WASF2: variants seen among roughly 807,000 people sequenced by gnomAD.
WASF2 encodes WASP family member 2.
WASF2 carries 14 observed loss-of-function variants against 45.0 expected under a neutral mutation model. The ratio of observed to expected loss-of-function variants is 0.31; its 90% CI spans 0.21 to 0.49. WASF2 has a LOEUF of 0.49. Ranked by LOEUF, WASF2 falls within the 20% of genes least tolerant of loss-of-function variation. The pLI, the probability that WASF2 is intolerant of heterozygous loss-of-function variation, is 0.99. For synonymous variants in WASF2, 200 were observed against 236.3 expected, an observed-to-expected ratio of 0.85 and a Z score of 1.41; for missense variants, 439 against 636.1, an observed-to-expected ratio of 0.69 and a Z score of 3.33.
intron 8 of WASF2, among the ~76,000 whole-genome samples, chr1:27,408,845 G>T (rs1225094974): frequency 6.6e-6 from 1 of 151,930 alleles, no homozygotes; most frequent in East Asian, 1.9e-4. Context: ...GGGGAGGGAA[G>T]AGGAGAAAAG....
intron 1 of WASF2, among the ~76,000 whole-genome samples, chr1:27,441,651 G>A (rs2017231333): frequency 6.6e-6 from 1 of 151,870 alleles, no homozygotes; most frequent in Non-Finnish European, 1.5e-5. Context: ...CTACTCCGGA[G>A]GCTGAGGCAG....
chr1:27,441,912 G>A (rs1389603432), intron 1 of WASF2, among the ~76,000 whole-genome samples: 1 of 142,726 alleles, frequency 7.0e-6, no homozygotes, highest in Admixed American at 7.1e-5. Flanking sequence ...GCGACACAAC[G>A]AGACTCCATC....
chr1:27,428,818 G>A lies in WASF2; in HGVS notation c.73C>T (p.Leu25=). ...RQTLPSVRSE[L]ECVTNITLAN... Reference sequence around the variant, plus strand: ...AGGGTGATGTTGGTCACGCATTCCAGCTCGCTTCTAACGCTAGGCAACGTC... The same window carrying A: ...AGGGTGATGTTGGTCACGCATTCCAACTCGCTTCTAACGCTAGGCAACGTC... Residue 25 remains leucine, a synonymous_variant, in exon 2 of 9, where the codon CTG becomes TTG. Coordinates refer to ENST00000618852, the MANE Select transcript of WASF2 (RefSeq NM_006990.5). The A allele has an allele frequency of 6.2e-7, 1 of 1,614,164 alleles. No homozygotes were observed. The highest frequency in any genetic ancestry group is 8.5e-7 in the Non-Finnish European group (1 of 1,180,028).
chr1:27,426,172 T>A (rs1227029245), intron 2 of WASF2, among the ~76,000 whole-genome samples: 1 of 152,232 alleles, frequency 6.6e-6, no homozygotes, highest in Non-Finnish European at 1.5e-5. Context: ...ATAGTTGCGA[T>A]GTGTACTCTG....
chr1:27,489,753 G>A (rs1431756508), intron 1 of WASF2, among the ~76,000 whole-genome samples: 3 of 152,210 alleles, frequency 2.0e-5, no homozygotes, highest in African/African-American at 7.2e-5. Context: ...TAGTCCCTCA[G>A]ACTTGTGGAC....
At chr1:27,437,454 G>T (rs190790785) in intron 1 of WASF2, among the ~76,000 whole-genome samples, 5 of 152,250 alleles carry the variant, frequency 3.3e-5, no homozygotes, top group Non-Finnish European at 7.4e-5. Context: ...ATGAAACAGA[G>T]ATTTTGTATG....
chr1:27,484,811 C>CAAAAAAAAAAAAAAAA (rs58153446), intron 1 of WASF2, among the ~76,000 whole-genome samples: 96 of 124,452 alleles, frequency 7.7e-4, no homozygotes, highest in African/African-American at 1.8e-3. Context: ...GACTCTGTCT[C>CAAAAAAAAAAAAAAAA]AAAAAAAAAA....
chr1:27,470,547 T>TTA (rs1349930383), intron 1 of WASF2, among the ~76,000 whole-genome samples: 2 of 151,964 alleles, frequency 1.3e-5, no homozygotes, highest in Non-Finnish European at 2.9e-5. Context: ...GGGCCAATGT[T>TTA]TAGCATGTTG....
At chr1:27,469,471 G>A (rs961678574) in intron 1 of WASF2, among the ~76,000 whole-genome samples, 11 of 152,052 alleles carry the variant, frequency 7.2e-5, no homozygotes, top group African/African-American at 2.7e-4. Context: ...CTAGTGTACC[G>A]CCTCCAGGAC....
intron 1 of WASF2, among the ~76,000 whole-genome samples, chr1:27,461,341 T>G (rs2017540965): frequency 1.3e-5 from 2 of 152,006 alleles, no homozygotes; most frequent in African/African-American, 4.8e-5. Flanking sequence ...CAGAATTAAT[T>G]AATTAATGAA....
intron 8 of WASF2, 31 bp from the exon 9 acceptor site, chr1:27,408,377 G>C (rs200100401): frequency 6.2e-7 from 1 of 1,613,860 alleles, no homozygotes; most frequent in Non-Finnish European, 8.5e-7. Flanking sequence ...GGGTGAGGAA[G>C]GCGTGTCCTC....
In WASF2 at chr1:27,414,258, G is replaced by T. The variant is rs1227695713; in HGVS notation, c.668+575C>A. Among the ~76,000 whole-genome samples the T allele has an allele frequency of 6.6e-6, 1 of 152,084 alleles. No individual in the cohort carries two copies. Among genetic ancestry groups the T allele is most frequent in the Non-Finnish European group, 1.5e-5 (1 of 68,014 alleles). On this transcript the variant is annotated intron_variant, in intron 6 of 8. Transcript: ENST00000618852. The surrounding 1 kb of genome is among the most constrained non-coding windows in gnomAD (Gnocchi z 4.1). The stretch of plus-strand genomic sequence containing the variant: ...AGTGTGATTTGGTATTGGGAAATGG[G>T]GTCAGACTGACACCTCTTATTTCTC...
rs1016248971 is a variant in WASF2 at position 27,428,754 on chromosome 1, C to T, written c.130+7G>A. The T allele has an allele frequency of 6.2e-7, 1 of 1,614,104 alleles. No homozygotes were observed. Among genetic ancestry groups the T allele is most frequent in the Admixed American group, 1.7e-5 (1 of 60,006 alleles). On this transcript the variant is annotated splice_region_variant and intron_variant, in intron 2 of 8. Transcript: ENST00000618852. ...AGGGCAAAGCACAGGCTCTCTGAGG[C>T]ACTCACTCAGGCTGCCCAGCTGTCG...
At chr1:27,485,026 T>G (rs1162841138) in intron 1 of WASF2, among the ~76,000 whole-genome samples, 1 of 151,906 alleles carries the variant, frequency 6.6e-6, no homozygotes, top group Non-Finnish European at 1.5e-5. Context: ...GGCAGACACC[T>G]GTAATCCCAG....
Position 27,414,747 on chromosome 1 carries a change from T to C in WASF2, c.668+86A>G. On this transcript the variant is annotated intron_variant, in intron 6 of 8. Transcript: ENST00000618852. The surrounding 1 kb of genome is among the most constrained non-coding windows in gnomAD (Gnocchi z 4.1). ...AGCCACAGAGACAGACTTCAGGGGGTGTGAAAGGTGTCACACCAGAGCTGT... is the reference window on the plus strand; with the variant it reads ...AGCCACAGAGACAGACTTCAGGGGGCGTGAAAGGTGTCACACCAGAGCTGT... 6.5e-7 allele frequency: 1 copy of C among 1,527,978 alleles called. No individual in the cohort carries two copies. Among genetic ancestry groups the C allele is most frequent in the South Asian group, 1.3e-5 (1 of 79,066 alleles). The allele number at this position is 1,527,978 out of a possible 1,614,324, so 94.7% of individuals were successfully genotyped here.
Position 27,452,240 on chromosome 1 carries a change from C to T in WASF2, c.-43-23307G>A, listed in dbSNP as rs570466205. Among the ~76,000 whole-genome samples the T allele has an allele frequency of 3.3e-5, 5 of 152,338 alleles. 1 individual carries two copies. The highest frequency in any genetic ancestry group is 4.1e-4 in the South Asian group (2 of 4,826). The stretch of plus-strand genomic sequence containing the variant: ...AAAAATAGGCCAGACGCAGGCTGCG[C>T]GCCGTGGCTCACGCCTGTAATCCCA... On this transcript the variant is annotated intron_variant, in intron 1 of 8. Coordinates refer to ENST00000618852, the MANE Select transcript of WASF2 (RefSeq NM_006990.5).
intron 1 of WASF2, among the ~76,000 whole-genome samples, chr1:27,451,197 G>C (rs1279715299): frequency 6.6e-6 from 1 of 152,186 alleles, no homozygotes; most frequent in East Asian, 1.9e-4. Flanking sequence ...GAGCTTGCAA[G>C]CTCCTGGAGA....
chr1:27,489,957 G>A (rs897038559), intron 1 of WASF2, 29 bp downstream of exon 1: 2 of 152,230 alleles, frequency 1.3e-5, no homozygotes, highest in African/African-American at 4.8e-5. Flanking sequence ...CCTCCCAGCG[G>A]GGTCTACCCA....
intron 1 of WASF2, among the ~76,000 whole-genome samples, chr1:27,465,008 T>C (rs1295861511): frequency 6.6e-6 from 1 of 152,210 alleles, no homozygotes; most frequent in Non-Finnish European, 1.5e-5. Flanking sequence ...ATTACAGCCT[T>C]TACTTTTATT....
Sources: allele counts gnomAD v4.1 joint callset (sites outside exome capture counted in the v4.1 genomes callset), GRCh38; gene constraint gnomAD v4.1.1; non-coding constraint Gnocchi (gnomAD v3.1); transcripts MANE v1.5; gene names NCBI Gene and HGNC (gene_info 2026-07-23, HGNC 2026-07-21).